The following POLDIP3 variants were observed in gnomAD, a reference collection of about 807,000 sequenced individuals.
POLDIP3 encodes the protein polymerase delta-interacting protein 3.
A neutral mutation model predicts 45.1 loss-of-function variants in POLDIP3; 14 were observed. That is an observed-to-expected ratio of 0.31 (90% CI 0.20 to 0.49). The LOEUF (loss-of-function observed/expected upper bound fraction) is 0.49, where lower values mean the gene tolerates loss of function less well. Ranked by LOEUF, POLDIP3 falls within the 20% of genes least tolerant of loss-of-function variation. POLDIP3 has a pLI of 0.99. For missense variants in POLDIP3, 511 were observed against 538.8 expected (o/e 0.95, Z 0.51); for synonymous variants, 223 against 205.2 (o/e 1.09, Z -0.74).
Position 42,614,875 on chromosome 22 carries a change from G to A in POLDIP3, c.-18C>T. 1 of 1,613,778 alleles carries A rather than the reference G, an allele frequency of 6.2e-7. No individual in the cohort carries two copies. Among genetic ancestry groups the A allele is most frequent in the Non-Finnish European group, 8.5e-7 (1 of 1,179,906 alleles). ...TCCGCCATCTTGCTCCGCCGAGCAA[G>A]CCGAAAGCAGTCGAGACCCCGCGAG... On this transcript the variant is annotated 5_prime_UTR_variant, in exon 1 of 9. Coordinates refer to ENST00000252115, the MANE Select transcript of POLDIP3 (RefSeq NM_032311.5).
At chr22:42,597,606 T>G (rs2146814670) in intron 4 of POLDIP3, 1 of 441,156 alleles carries the variant, frequency 2.3e-6, no homozygotes, top group East Asian at 7.1e-5. Context: ...TCTCACAGGG[T>G]ACAAGACGCA....
chr22:42,611,746 G>A (rs547747084), intron 1 of POLDIP3, among the ~76,000 whole-genome samples: 7 of 152,214 alleles, frequency 4.6e-5, no homozygotes, highest in South Asian at 2.1e-4. Flanking sequence ...GCGTGGTGGC[G>A]CATGCCTATG....
intron 6 of POLDIP3, among the ~76,000 whole-genome samples, chr22:42,593,525 C>A (rs1398571278): frequency 6.6e-6 from 1 of 152,066 alleles, no homozygotes; most frequent in African/African-American, 2.4e-5. Context: ...AGCTTTAATT[C>A]TTTTCTTTTT....
chr22:42,599,816 T>C, intron 3 of POLDIP3, 23 bp from the exon 4 acceptor site: 1 of 1,545,910 alleles, frequency 6.5e-7, no homozygotes, highest in Non-Finnish European at 8.9e-7. Context: ...CATAAAGAAA[T>C]ATAAGCAAAT....
chr22:42,585,962 C>T lies in POLDIP3; in HGVS notation c.1095G>A (p.Leu365=). 3.1e-6 allele frequency: 5 copies of T among 1,611,002 alleles called. No homozygotes were observed. The highest frequency in any genetic ancestry group is 4.2e-6 in the Non-Finnish European group (5 of 1,178,552). ...ITSDQPILLR[L]SDSPSMKKES... ...CCTTTTTCATTGATGGGCTGTCACTCAGCCGCCTGTGGAGAGCAGAGAAGA... is the reference window on the plus strand; with the variant it reads ...CCTTTTTCATTGATGGGCTGTCACTTAGCCGCCTGTGGAGAGCAGAGAAGA... Residue 365 remains leucine, a synonymous_variant, in exon 9 of 9, where the codon CTG becomes CTA. Transcript: ENST00000252115.
intron 1 of POLDIP3, 90 bp from the exon 2 acceptor site, chr22:42,603,250 G>C: frequency 7.3e-7 from 1 of 1,374,834 alleles, no homozygotes; most frequent in South Asian, 1.4e-5. Context: ...TGGGGACAGA[G>C]GAGGCCCTGG....
chr22:42,596,392 G>C (rs747923582), intron 4 of POLDIP3, 27 bp from the exon 5 acceptor site: 2 of 1,605,604 alleles, frequency 1.2e-6, no homozygotes, highest in South Asian at 2.2e-5. Flanking sequence ...AAAAGAATCT[G>C]AGAAGCCAGA....
intron 6 of POLDIP3, among the ~76,000 whole-genome samples, chr22:42,592,353 G>A (rs1366424206): frequency 6.6e-6 from 1 of 152,238 alleles, no homozygotes; most frequent in Non-Finnish European, 1.5e-5. Flanking sequence ...AAAGTCTTCA[G>A]TGCCCACCTC....
intron 4 of POLDIP3, among the ~76,000 whole-genome samples, chr22:42,597,230 C>G (rs1205964728): frequency 6.6e-6 from 1 of 152,198 alleles, no homozygotes; most frequent in Non-Finnish European, 1.5e-5. Context: ...GTGCATAAAG[C>G]AGAAGTGACG....
intron 1 of POLDIP3, among the ~76,000 whole-genome samples, chr22:42,606,496 A>C (rs1369603583): frequency 1.3e-5 from 2 of 152,168 alleles, no homozygotes; most frequent in Admixed American, 6.5e-5. Context: ...TTATCTGGGC[A>C]TGGCAGCATG....
chr22:42,591,312 G>C (rs1424975261), intron 7 of POLDIP3, among the ~76,000 whole-genome samples: 2 of 152,130 alleles, frequency 1.3e-5, no homozygotes. Context: ...ACTCACCCAG[G>C]GGAGTTCACC....
At chr22:42,600,566 C>T (rs551537726) in intron 3 of POLDIP3, among the ~76,000 whole-genome samples, 1 of 151,382 alleles carries the variant, frequency 6.6e-6, no homozygotes, top group East Asian at 2.0e-4. Flanking sequence ...GCGGAGCTTG[C>T]AGTGAGCCGA....
At position 42,602,050 on chromosome 22, in the gene POLDIP3, GTGGAACC is replaced by G. The variant is rs762576398; in HGVS notation, c.451-1_456del. On this transcript the variant is annotated splice_acceptor_variant and coding_sequence_variant, in exon 3 of 9. Coordinates refer to ENST00000252115, the MANE Select transcript of POLDIP3 (RefSeq NM_032311.5). LOFTEE classifies it high-confidence loss of function. ...TGAAGTGGTGCCATGGCTTTCTGCTGTGGAACCTGGAAACACTCAGTGGTCAGAATCC... is the reference window on the plus strand; with the variant it reads ...TGAAGTGGTGCCATGGCTTTCTGCTGTGGAAACACTCAGTGGTCAGAATCC... 3 of 1,614,142 alleles carry G rather than the reference GTGGAACC, an allele frequency of 1.9e-6. No homozygotes were observed. In the South Asian group the frequency reaches 3.3e-5, roughly 18 times the overall value.
intron 4 of POLDIP3, chr22:42,597,731 C>T (rs1926083364): frequency 6.4e-6 from 3 of 470,496 alleles, no homozygotes; most frequent in African/African-American, 2.0e-5. Context: ...CTGGAAAGGC[C>T]TGGTCCCTTT....
chr22:42,608,106 T>C (rs916786641), intron 1 of POLDIP3, among the ~76,000 whole-genome samples: 11 of 152,230 alleles, frequency 7.2e-5, no homozygotes, highest in African/African-American at 2.4e-4. Flanking sequence ...ATGGCGGTTT[T>C]GTCGAATAGA....
chr22:42,607,543 T>C (rs1601906506), intron 1 of POLDIP3, among the ~76,000 whole-genome samples: 1 of 152,126 alleles, frequency 6.6e-6, no homozygotes, highest in African/African-American at 2.4e-5. Flanking sequence ...GTCTGGGAAG[T>C]GAGGAGCGTC....
chr22:42,584,233 G>C lies in POLDIP3; in HGVS notation c.*1558C>G, dbSNP rs1925150843. ...ACGAGAAGTCTGCACCCACTTGAAA[G>C]GGTTAGGAGAATAAAAAGCAGCATT... On this transcript the variant is annotated 3_prime_UTR_variant, in exon 9 of 9. Transcript: ENST00000252115. The C allele has an allele frequency of 6.5e-6, 1 of 153,054 alleles. No individual in the cohort carries two copies. The allele number at this position is 153,054 out of a possible 1,614,324, so 9.5% of individuals were successfully genotyped here. A position where few individuals can be genotyped will look rare whatever the true frequency, so the allele number is the denominator to read the frequency against.
chr22:42,594,538 A>G (rs945423005), intron 6 of POLDIP3, among the ~76,000 whole-genome samples: 2 of 152,144 alleles, frequency 1.3e-5, no homozygotes, highest in African/African-American at 4.8e-5. Flanking sequence ...AAACAAAAAG[A>G]TTTAACAAAT....
At chr22:42,608,882 C>T (rs1926943193) in intron 1 of POLDIP3, among the ~76,000 whole-genome samples, 1 of 152,182 alleles carries the variant, frequency 6.6e-6, no homozygotes, top group Non-Finnish European at 1.5e-5. Flanking sequence ...TTCCCTGGTT[C>T]CACCAGTGCT....
Sources: gnomAD v4.1 joint callset for allele counts (sites outside exome capture counted in the v4.1 genomes callset) on GRCh38, gnomAD v4.1.1 for gene constraint, MANE v1.5 for transcripts, NCBI Gene and HGNC (gene_info 2026-07-23, HGNC 2026-07-21) for gene names.